The following RASAL2 variants were observed in gnomAD, a reference collection of about 807,000 sequenced individuals.
The protein encoded by RASAL2 is ras GTPase-activating protein nGAP.
A neutral mutation model predicts 128.9 loss-of-function variants in RASAL2; 58 were observed. The observed-to-expected ratio is 0.45, with a 90% CI of 0.36 to 0.56. The LOEUF (loss-of-function observed/expected upper bound fraction) is 0.56. RASAL2 is among the 20% of genes least tolerant of loss of function. The pLI, the probability that RASAL2 is intolerant of heterozygous loss-of-function variation, is 0.00. For missense variants in RASAL2, 1,360 were observed against 1,601.6 expected, an observed-to-expected ratio of 0.85 and a Z score of 2.57; for synonymous variants, 561 against 580.8, an observed-to-expected ratio of 0.97 and a Z score of 0.49.
chr1:178,265,460 C>T (rs956750147), intron 1 of RASAL2, among the ~76,000 whole-genome samples: 4 of 152,070 alleles, frequency 2.6e-5, no homozygotes, highest in South Asian at 4.2e-4. Flanking sequence ...TATTGTATGC[C>T]AGTATGTGCA....
At chr1:178,472,857 AAAG>A (rs1558019067) in intron 17 of RASAL2, among the ~76,000 whole-genome samples, 2 of 152,302 alleles carry the variant, frequency 1.3e-5, no homozygotes, top group Non-Finnish European at 2.9e-5. Flanking sequence ...TGCTATGCTG[AAAG>A]AAAAAGAGAG....
At chr1:178,314,817 T>A (rs1668425811) in intron 3 of RASAL2, among the ~76,000 whole-genome samples, 1 of 151,902 alleles carries the variant, frequency 6.6e-6, no homozygotes, top group African/African-American at 2.4e-5. Context: ...ACTTTAAGTT[T>A]TAGGGTACAT....
At chr1:178,372,239 G>A in intron 3 of RASAL2, 1 of 985,362 alleles carries the variant, frequency 1.0e-6, no homozygotes, top group African/African-American at 1.7e-5. Flanking sequence ...TCTGGCTGGA[G>A]AATGAGTCTC....
intron 1 of RASAL2, among the ~76,000 whole-genome samples, chr1:178,234,609 A>T (rs577621183): frequency 9.9e-5 from 15 of 152,270 alleles, no homozygotes; most frequent in South Asian, 2.1e-4. Flanking sequence ...TGCCTTAAAA[A>T]TGGTTGACCT....
intron 1 of RASAL2, among the ~76,000 whole-genome samples, chr1:178,229,958 A>G (rs894108681): frequency 2.0e-5 from 3 of 152,232 alleles, no homozygotes; most frequent in African/African-American, 4.8e-5. Flanking sequence ...TCTGGTTAAT[A>G]ATAATGCCAT....
At chr1:178,128,409 G>A (rs1156971371) in intron 1 of RASAL2, among the ~76,000 whole-genome samples, 1 of 152,074 alleles carries the variant, frequency 6.6e-6, no homozygotes, top group African/African-American at 2.4e-5. Context: ...TTGTTAGTTT[G>A]TTATGAGGAT....
intron 1 of RASAL2, among the ~76,000 whole-genome samples, chr1:178,178,065 T>A (rs2101923257): frequency 6.6e-6 from 1 of 152,290 alleles, no homozygotes; most frequent in South Asian, 2.1e-4. Context: ...GAATCATCAG[T>A]TATCATAAGA....
chr1:178,391,168 T>G (rs1249708473), intron 4 of RASAL2, among the ~76,000 whole-genome samples: 1 of 152,154 alleles, frequency 6.6e-6, no homozygotes, highest in Non-Finnish European at 1.5e-5. Context: ...CTAGCATTTT[T>G]GGGAGGCTGA....
chr1:178,163,215 C>T (rs993120947), intron 1 of RASAL2, among the ~76,000 whole-genome samples: 2 of 152,178 alleles, frequency 1.3e-5, no homozygotes, highest in African/African-American at 4.8e-5. Flanking sequence ...ATCTGCCTGC[C>T]TCAGCCTCCC....
chr1:178,380,774 T>G (rs1010454659), intron 3 of RASAL2, among the ~76,000 whole-genome samples: 9 of 152,202 alleles, frequency 5.9e-5, no homozygotes, highest in African/African-American at 1.9e-4. Flanking sequence ...AAAATTTGTT[T>G]AAAAATTTAG....
chr1:178,342,048 A>G (rs922854250), intron 3 of RASAL2, among the ~76,000 whole-genome samples: 2 of 152,236 alleles, frequency 1.3e-5, no homozygotes, highest in African/African-American at 4.8e-5. Flanking sequence ...CTTGAATCTC[A>G]GTAACACATA....
intron 3 of RASAL2, among the ~76,000 whole-genome samples, chr1:178,347,307 A>T (rs921613620): frequency 6.6e-6 from 1 of 152,202 alleles, no homozygotes; most frequent in African/African-American, 2.4e-5. Context: ...ATTTAAAGGT[A>T]GAATTTTTGT....
chr1:178,233,638 C>T (rs1664103877), intron 1 of RASAL2, among the ~76,000 whole-genome samples: 1 of 152,194 alleles, frequency 6.6e-6, no homozygotes. Context: ...GTCCTTGGAA[C>T]ATCAACAGAG....
intron 1 of RASAL2, among the ~76,000 whole-genome samples, chr1:178,253,631 A>G (rs961706070): frequency 2.6e-5 from 4 of 152,076 alleles, no homozygotes; most frequent in African/African-American, 7.2e-5. Context: ...AGATTTGGGT[A>G]GGTAAAGGAA....
At chr1:178,309,057 A>G (rs1668121860) in intron 3 of RASAL2, among the ~76,000 whole-genome samples, 1 of 152,112 alleles carries the variant, frequency 6.6e-6, no homozygotes. Flanking sequence ...GTATGGTAGT[A>G]CTCAATATTT....
intron 1 of RASAL2, among the ~76,000 whole-genome samples, chr1:178,269,231 G>T (rs895888134): frequency 2.6e-5 from 4 of 152,176 alleles, no homozygotes; most frequent in Non-Finnish European, 5.9e-5. Context: ...CCCTCATCAG[G>T]AACTAAATTG....
intron 4 of RASAL2, among the ~76,000 whole-genome samples, chr1:178,412,363 G>A (rs1674446892): frequency 6.6e-6 from 1 of 152,170 alleles, no homozygotes; most frequent in Non-Finnish European, 1.5e-5. Context: ...AAACAGTCAT[G>A]GTAAGCTAGG....
At chr1:178,468,279 T>C (rs1353288693) in intron 17 of RASAL2, among the ~76,000 whole-genome samples, 1 of 152,238 alleles carries the variant, frequency 6.6e-6, no homozygotes, top group Non-Finnish European at 1.5e-5. Flanking sequence ...TCCCTGAAGA[T>C]AGCCGATCCA....
chr1:178,232,196 C>A (rs1664038633), intron 1 of RASAL2, among the ~76,000 whole-genome samples: 1 of 151,908 alleles, frequency 6.6e-6, no homozygotes, highest in East Asian at 1.9e-4. Flanking sequence ...CATTTGAAAC[C>A]CCTATTTTCA....
Sources: gnomAD v4.1 joint callset for allele counts (sites outside exome capture counted in the v4.1 genomes callset) on GRCh38, gnomAD v4.1.1 for gene constraint, MANE v1.5 for transcripts, NCBI Gene and HGNC (gene_info 2026-07-23, HGNC 2026-07-21) for gene names.